The following FAM13A variants were observed in gnomAD, a reference collection of about 807,000 sequenced individuals.
FAM13A encodes the protein family with sequence similarity 13 member A.
A neutral mutation model predicts 129.6 loss-of-function variants in FAM13A; 76 were observed. The observed-to-expected ratio is 0.59, with a 90% CI of 0.49 to 0.71. FAM13A has a LOEUF of 0.71. Ranked by LOEUF, FAM13A falls within the 30% of genes least tolerant of loss-of-function variation. The pLI is 0.00. For synonymous variants in FAM13A, 443 were observed against 449.9 expected, an observed-to-expected ratio of 0.98 and a Z score of 0.20; for missense variants, 1,108 against 1,249.3, an observed-to-expected ratio of 0.89 and a Z score of 1.70.
chr4:88,872,877 A>C (rs1361977990), intron 6 of FAM13A, among the ~76,000 whole-genome samples: 1 of 152,200 alleles, frequency 6.6e-6, no homozygotes, highest in Non-Finnish European at 1.5e-5. Context: ...AAAATTGACC[A>C]CATAGTTGGA....
At chr4:88,846,159 G>A (rs1736610208) in intron 7 of FAM13A, among the ~76,000 whole-genome samples, 1 of 151,948 alleles carries the variant, frequency 6.6e-6, no homozygotes, top group African/African-American at 2.4e-5. Flanking sequence ...AGGCCATGAA[G>A]TTCTGTTTAC....
chr4:88,806,730 G>A (rs560059163), intron 7 of FAM13A, among the ~76,000 whole-genome samples: 1 of 152,248 alleles, frequency 6.6e-6, no homozygotes, highest in Admixed American at 6.5e-5. Context: ...TGAGGGCAAA[G>A]CTTGTAGAAT....
chr4:88,763,887 T>G (rs1227150457), intron 13 of FAM13A, among the ~76,000 whole-genome samples: 1 of 152,248 alleles, frequency 6.6e-6, no homozygotes, highest in Non-Finnish European at 1.5e-5. Context: ...AAAGCTTCAT[T>G]AGGCTTTGGC....
chr4:89,009,103 C>T (rs916567240), intron 3 of FAM13A: 1 of 152,094 alleles, frequency 6.6e-6, no homozygotes, highest in African/African-American at 2.4e-5. Flanking sequence ...AAACAAAACA[C>T]GATCTCTGAG....
intron 4 of FAM13A, among the ~76,000 whole-genome samples, chr4:88,971,009 C>T (rs1760006061): frequency 6.6e-6 from 1 of 152,170 alleles, no homozygotes; most frequent in Non-Finnish European, 1.5e-5. Context: ...GAGATCAAGA[C>T]CATCCTGGCT....
chr4:88,912,997 A>G (rs1426234841), intron 5 of FAM13A, among the ~76,000 whole-genome samples: 2 of 150,250 alleles, frequency 1.3e-5, no homozygotes, highest in Non-Finnish European at 3.0e-5. Flanking sequence ...AGAAGAAGAA[A>G]GAAGGAAGAA....
chr4:88,921,232 T>A (rs1163684393), intron 5 of FAM13A, among the ~76,000 whole-genome samples: 1 of 151,444 alleles, frequency 6.6e-6, no homozygotes, highest in African/African-American at 2.4e-5. Context: ...GAAGAGCAAC[T>A]CCAAGACACA....
At chr4:88,861,152 G>A (rs538230963) in intron 6 of FAM13A, among the ~76,000 whole-genome samples, 6 of 151,916 alleles carry the variant, frequency 3.9e-5, no homozygotes, top group South Asian at 2.1e-4. Context: ...AGTCTGAGGC[G>A]GGCAAATCAC....
intron 4 of FAM13A, among the ~76,000 whole-genome samples, chr4:88,959,392 G>A (rs551299028): frequency 1.3e-5 from 2 of 152,222 alleles, no homozygotes; most frequent in South Asian, 2.1e-4. Flanking sequence ...GAATGGCTTG[G>A]GCCATCCCCT....
At chr4:88,916,002 A>C (rs1750056005) in intron 5 of FAM13A, among the ~76,000 whole-genome samples, 1 of 152,026 alleles carries the variant, frequency 6.6e-6, no homozygotes, top group Non-Finnish European at 1.5e-5. Context: ...TACATCCTGC[A>C]GAACTGTGGG....
At chr4:88,871,393 C>G (rs1039923367) in intron 6 of FAM13A, among the ~76,000 whole-genome samples, 1 of 152,204 alleles carries the variant, frequency 6.6e-6, no homozygotes, top group African/African-American at 2.4e-5. Flanking sequence ...AGCTAAAAAC[C>G]TTGAATACAG....
chr4:88,731,223 G>A (rs1242098130), intron 23 of FAM13A, 104 bp downstream of exon 23: 2 of 644,504 alleles, frequency 3.1e-6, no homozygotes, highest in East Asian at 2.7e-5. Flanking sequence ...ATGCAGAAGA[G>A]TCCCCCCTTT....
At chr4:88,764,730 A>C (rs1745416520) in intron 13 of FAM13A, among the ~76,000 whole-genome samples, 1 of 152,178 alleles carries the variant, frequency 6.6e-6, no homozygotes, top group African/African-American at 2.4e-5. Context: ...CATTGCCCAG[A>C]TAGGATATTT....
At chr4:88,796,548 A>C (rs1308794025) in intron 8 of FAM13A, among the ~76,000 whole-genome samples, 1 of 152,038 alleles carries the variant, frequency 6.6e-6, no homozygotes, top group African/African-American at 2.4e-5. Context: ...TATATGTATA[A>C]GTCCTATATT....
At position 88,768,055 on chromosome 4, in the gene FAM13A, A is replaced by G; in HGVS notation, c.1463T>C (p.Met488Thr). 1 of 1,595,942 alleles carries G rather than the reference A, an allele frequency of 6.3e-7. No homozygotes were observed. The highest frequency in any genetic ancestry group is 8.6e-7 in the Non-Finnish European group (1 of 1,164,072). ...LHDNQDGLVN[M>T]ESLNSTRSHE... ...AGATCGTGTGGAATTGAGACTTTCC[A>G]TATTCTGTAACAGAACCATTATTGG... is the stretch of plus-strand genomic sequence containing the variant. The change falls in exon 12 of 24, where the codon ATG becomes ACG. Residue 488 changes from methionine to threonine, a missense_variant. Met to Thr is a moderately conservative substitution (Grantham distance 81). Transcript: ENST00000264344.
chr4:88,898,901 C>T (rs1746785412), intron 6 of FAM13A, among the ~76,000 whole-genome samples: 1 of 151,992 alleles, frequency 6.6e-6, no homozygotes, highest in Admixed American at 6.6e-5. Context: ...ACCATTTGAT[C>T]CAGTAATCCC....
chr4:89,006,693 T>C (rs1045002393), intron 3 of FAM13A, among the ~76,000 whole-genome samples: 3 of 152,178 alleles, frequency 2.0e-5, no homozygotes, highest in Admixed American at 1.3e-4. Context: ...ACCCCGGTCC[T>C]TGTCTGGCAA....
Position 88,995,799 on chromosome 4 carries a change from C to T in FAM13A, c.428-4649G>A, listed in dbSNP as rs6826878. 7.6e-3 allele frequency among the ~76,000 whole-genome samples: 1,150 copies of T among 152,194 alleles called. 18 individuals carry two copies. The highest frequency in any genetic ancestry group is 0.027 in the African/African-American group (1,100 of 41,506). ...CATTAGTTCTGTCCCTTTAGAGAAC[C>T]CTGACTAATACAAAAGCAAACTCCA... On this transcript the variant is annotated intron_variant, in intron 3 of 23. Coordinates refer to ENST00000264344, the MANE Select transcript of FAM13A (RefSeq NM_014883.4).
chr4:88,768,769 T>A (rs1302893485), intron 11 of FAM13A, among the ~76,000 whole-genome samples: 2 of 152,166 alleles, frequency 1.3e-5, no homozygotes, highest in Non-Finnish European at 2.9e-5. Context: ...ACAGAAAACC[T>A]AATTTGAATA....
Sources: gnomAD v4.1 joint callset for allele counts (sites outside exome capture counted in the v4.1 genomes callset) on GRCh38, gnomAD v4.1.1 for gene constraint, MANE v1.5 for transcripts, NCBI Gene and HGNC (gene_info 2026-07-23, HGNC 2026-07-21) for gene names.